EML6: variants seen among roughly 807,000 people sequenced by gnomAD.
EML6 encodes the protein EMAP like 6.
EML6 carries 154 observed loss-of-function variants against 240.1 expected under a neutral mutation model. The observed-to-expected ratio is 0.64, with a 90% CI of 0.56 to 0.73. EML6 has a LOEUF of 0.73. Ranked by LOEUF, EML6 falls within the 30% of genes least tolerant of loss-of-function variation. EML6 has a pLI of 0.00. For missense variants in EML6, 2,964 were observed against 2,474.6 expected (o/e 1.20, Z -4.20); for synonymous variants, 1,148 against 899.0 (o/e 1.28, Z -4.95).
chr2:54,792,344 A>G (rs575483998), intron 2 of EML6, among the ~76,000 whole-genome samples: 1 of 152,356 alleles, frequency 6.6e-6, no homozygotes, highest in East Asian at 1.9e-4. Flanking sequence ...GTCATTATGC[A>G]GATCTTTGGG....
At chr2:54,815,923 A>C (rs1463423229) in intron 3 of EML6, among the ~76,000 whole-genome samples, 1 of 152,218 alleles carries the variant, frequency 6.6e-6, no homozygotes, top group Non-Finnish European at 1.5e-5. Flanking sequence ...TAATTTACAT[A>C]CTTCACTTGA....
Position 54,921,187 on chromosome 2 carries a change from A to G in EML6, c.3675+4252A>G, listed in dbSNP as rs552716688. Among the ~76,000 whole-genome samples, 11 of 152,252 alleles carry G rather than the reference A, an allele frequency of 7.2e-5. No individual in the cohort carries two copies. In the East Asian group the frequency reaches 1.2e-3, roughly 16 times the overall value. On this transcript the variant is annotated intron_variant, in intron 26 of 41. Transcript: ENST00000356458. ...GTAAAATTATCTCTATTTATGTACA[A>G]CATGATCTTATATATAGAAAACCCT...
chr2:54,813,123 C>A, intron 2 of EML6, 109 bp from the exon 3 acceptor site: 2 of 779,068 alleles, frequency 2.6e-6, no homozygotes, highest in Non-Finnish European at 2.0e-6. Flanking sequence ...CAGACTCTTT[C>A]TCTTGAGATC....
In EML6 at chr2:54,895,326, C is replaced by T. The variant is rs550513006; in HGVS notation, c.2908C>T (p.His970Tyr). ...TCGTGCCATCACTTTGGGACATGGACATATCCTGGTGGGAACAAAAAATGG... is the reference window on the plus strand; with the variant it reads ...TCGTGCCATCACTTTGGGACATGGATATATCCTGGTGGGAACAAAAAATGG... ...SIRAITLGHGHILVGTKNGEI... is the reference protein window; with the variant it reads ...SIRAITLGHGYILVGTKNGEI... Residue 970 changes from histidine (H) to tyrosine (Y), a missense_variant, in exon 21 of 42, where the codon CAT becomes TAT. Transcript: ENST00000356458. 3.9e-6 allele frequency: 6 copies of T among 1,551,828 alleles called. No homozygotes were observed. In the Admixed American group the frequency reaches 9.8e-5, roughly 25 times the overall value.
intron 2 of EML6, among the ~76,000 whole-genome samples, chr2:54,780,049 C>T (rs553711622): frequency 1.3e-5 from 2 of 152,068 alleles, no homozygotes; most frequent in East Asian, 3.9e-4. Context: ...CCTCCTAATT[C>T]GGCTTTCCAA....
At chr2:54,807,129 A>G (rs1182948507) in intron 2 of EML6, among the ~76,000 whole-genome samples, 1 of 151,932 alleles carries the variant, frequency 6.6e-6, no homozygotes, top group African/African-American at 2.4e-5. Context: ...CTCTTTTTCT[A>G]AACTCCTATA....
chr2:54,928,839 G>A (rs1046308288), intron 28 of EML6, 88 bp downstream of exon 28: 3 of 1,474,148 alleles, frequency 2.0e-6, no homozygotes, highest in Admixed American at 2.0e-5. Context: ...TGCCCTCAAA[G>A]TTGCTGTTTA....
intron 24 of EML6, among the ~76,000 whole-genome samples, chr2:54,906,957 C>A (rs1673357842): frequency 1.3e-5 from 2 of 152,126 alleles, no homozygotes; most frequent in South Asian, 4.1e-4. Flanking sequence ...TTTGCCAGAG[C>A]CAGCTGGCTT....
chr2:54,813,433 C>CA, intron 3 of EML6, 42 bp downstream of exon 3: 1 of 1,481,484 alleles, frequency 6.7e-7, no homozygotes, highest in Non-Finnish European at 9.2e-7. Flanking sequence ...TGACTTCTCA[C>CA]AACTCACTTA....
intron 33 of EML6, among the ~76,000 whole-genome samples, chr2:54,958,481 C>T (rs900823124): frequency 1.3e-5 from 2 of 151,870 alleles, no homozygotes; most frequent in African/African-American, 4.9e-5. Flanking sequence ...TGTGAGCCAC[C>T]TCGCCTGGCC....
intron 26 of EML6, among the ~76,000 whole-genome samples, chr2:54,925,494 G>A (rs981898974): frequency 1.3e-5 from 2 of 152,252 alleles, no homozygotes; most frequent in East Asian, 1.9e-4. Context: ...TTCAAGTTCC[G>A]TTTGTTGGCT....
At chr2:54,862,995 G>A in intron 12 of EML6, among the ~76,000 whole-genome samples, 1 of 152,250 alleles carries the variant, frequency 6.6e-6, no homozygotes, top group Admixed American at 6.5e-5. Flanking sequence ...TGGGGCTCAA[G>A]CAGTGGTTCA....
Position 54,830,562 on chromosome 2 carries a change from A to G in EML6, c.847+1085A>G, listed in dbSNP as rs149532801. 1.5e-3 allele frequency among the ~76,000 whole-genome samples: 236 copies of G among 152,282 alleles called. 1 individual carries two copies. Among genetic ancestry groups the G allele is most frequent in the Non-Finnish European group, 2.7e-3 (184 of 68,014 alleles). On this transcript the variant is annotated intron_variant, in intron 7 of 41. Coordinates refer to ENST00000356458, the MANE Select transcript of EML6 (RefSeq NM_001039753.4). ...CATGAAGCCCCCGCTGTGTGACCTGATGGCGATGCTGCCACAGAGGTTGTT... is the reference window on the plus strand; with the variant it reads ...CATGAAGCCCCCGCTGTGTGACCTGGTGGCGATGCTGCCACAGAGGTTGTT...
intron 5 of EML6, among the ~76,000 whole-genome samples, chr2:54,823,868 C>CTCTCTCTCTCTCTCTT (rs1376831009): frequency 2.7e-5 from 4 of 148,236 alleles, no homozygotes; most frequent in African/African-American, 1.0e-4. Flanking sequence ...CTCTCTCTCT[C>CTCTCTCTCTCTCTCTT]TCTCTCTCTT....
chr2:54,885,065 G>A (rs1266412763), intron 17 of EML6, among the ~76,000 whole-genome samples: 1 of 152,156 alleles, frequency 6.6e-6, no homozygotes, highest in Admixed American at 6.5e-5. Flanking sequence ...GCTGAGGCAT[G>A]AGACTCATCT....
At chr2:54,851,377 C>G (rs780487699) in intron 10 of EML6, among the ~76,000 whole-genome samples, 1 of 152,164 alleles carries the variant, frequency 6.6e-6, no homozygotes, top group Non-Finnish European at 1.5e-5. Flanking sequence ...CGCACCACTG[C>G]ACTCCAGCCT....
chr2:54,898,530 T>A (rs552063356), intron 21 of EML6, among the ~76,000 whole-genome samples: 5 of 152,184 alleles, frequency 3.3e-5, no homozygotes, highest in African/African-American at 1.2e-4. Flanking sequence ...TCAAAAACAA[T>A]GTCTGTATCC....
In EML6 at chr2:54,725,010, G is replaced by A; in HGVS notation, c.-52G>A. On this transcript the variant is annotated 5_prime_UTR_variant, in exon 2 of 42. Coordinates refer to ENST00000356458, the MANE Select transcript of EML6 (RefSeq NM_001039753.4). This position sits in a 1 kb window ranked among gnomAD's most constrained non-coding sequence, Gnocchi z 4.3. ...GGTCCGCCGCAGCCCCAGCCTCGGC[G>A]AGGACGGCCCCGGCGCGCGGGGGGG... 2.9e-6 allele frequency: 4 copies of A among 1,403,272 alleles called. No homozygotes were observed. Among genetic ancestry groups the A allele is most frequent in the South Asian group, 1.6e-5 (1 of 63,852 alleles). The allele number at this position is 1,403,272 out of a possible 1,614,324, so 86.9% of individuals were successfully genotyped here. A position where few individuals can be genotyped will look rare whatever the true frequency, so the allele number is the denominator to read the frequency against.
At chr2:54,799,195 G>A (rs1056268034) in intron 2 of EML6, among the ~76,000 whole-genome samples, 1 of 151,988 alleles carries the variant, frequency 6.6e-6, no homozygotes, top group African/African-American at 2.4e-5. Flanking sequence ...CTAGTAGCTG[G>A]GACTACAGGT....
Sources: gnomAD v4.1 joint callset for allele counts (sites outside exome capture counted in the v4.1 genomes callset) on GRCh38, gnomAD v4.1.1 for gene constraint, Gnocchi (gnomAD v3.1) non-coding constraint, MANE v1.5 for transcripts, NCBI Gene and HGNC (gene_info 2026-07-23, HGNC 2026-07-21) for gene names.